ABLIM2: variants seen among roughly 807,000 people sequenced by gnomAD.
ABLIM2 encodes actin-binding LIM protein 2.
ABLIM2 carries 53 observed loss-of-function variants against 97.7 expected under a neutral mutation model. The ratio of observed to expected loss-of-function variants is 0.54; its 90% CI spans 0.44 to 0.68. ABLIM2 has a LOEUF of 0.68. Ranked by LOEUF, ABLIM2 falls within the 30% of genes least tolerant of loss-of-function variation. The probability of loss-of-function intolerance (pLI) is 0.00; values close to 1 mark genes in which losing one functional copy is unlikely to be tolerated. For missense variants in ABLIM2, 835 were observed against 867.2 expected (o/e 0.96, Z 0.47); for synonymous variants, 361 against 345.8 (o/e 1.04, Z -0.49).
Position 8,058,137 on chromosome 4 carries a change from C to T in ABLIM2, c.763+2830G>A, listed in dbSNP as rs746728566. 1.3e-5 allele frequency among the ~76,000 whole-genome samples: 2 copies of T among 152,258 alleles called. No individual in the cohort carries two copies. The highest frequency in any genetic ancestry group is 4.8e-5 in the African/African-American group (2 of 41,478). On this transcript the variant is annotated intron_variant, in intron 7 of 20. Transcript: ENST00000447017. The surrounding 1 kb of genome is among the most constrained non-coding windows in gnomAD (Gnocchi z 4.2). Reference sequence around the variant, plus strand: ...GATGTGAACTCGTGTCCCCGAGCTGCTGTCCCAAGGCCATTGTGCTCAGTG... The same window carrying T: ...GATGTGAACTCGTGTCCCCGAGCTGTTGTCCCAAGGCCATTGTGCTCAGTG...
chr4:8,052,590 A>G (rs2151943689), intron 8 of ABLIM2, among the ~76,000 whole-genome samples: 1 of 152,352 alleles, frequency 6.6e-6, no homozygotes, highest in Non-Finnish European at 1.5e-5. Flanking sequence ...CAGAGCTGCT[A>G]GGAGAGCATC....
chr4:7,980,942 T>TC (rs58879732), intron 20 of ABLIM2, among the ~76,000 whole-genome samples: 1,327 of 37,638 alleles, frequency 0.035, 86 homozygotes, highest in African/African-American at 0.088. Context: ...CAACCCCTTA[T>TC]TTTTTTTTTT....
intron 4 of ABLIM2, among the ~76,000 whole-genome samples, chr4:8,086,947 C>G (rs1824090688): frequency 6.6e-6 from 1 of 151,960 alleles, no homozygotes; most frequent in Non-Finnish European, 1.5e-5. Context: ...TGAACTTCAT[C>G]CCAAGGGATG....
At chr4:8,115,958 T>C (rs894442700) in intron 1 of ABLIM2, among the ~76,000 whole-genome samples, 9 of 152,184 alleles carry the variant, frequency 5.9e-5, no homozygotes, top group Admixed American at 1.3e-4. Flanking sequence ...GGAGCCCACA[T>C]GCCGCTATTC....
chr4:8,153,867 C>A (rs946777483), intron 1 of ABLIM2, among the ~76,000 whole-genome samples: 4 of 152,214 alleles, frequency 2.6e-5, no homozygotes, highest in African/African-American at 9.6e-5. Context: ...ACCGACGGCA[C>A]TTCCCGACAT....
chr4:8,091,307 A>ATATATATATAATTATATATATAT (rs1827364553), intron 3 of ABLIM2, among the ~76,000 whole-genome samples: 1 of 30,142 alleles, frequency 3.3e-5, no homozygotes, highest in African/African-American at 1.8e-4. Flanking sequence ...ATATTATATT[A>ATATATATATAATTATATATATAT]TATATATATA....
At chr4:7,977,218 T>C (rs1734213385) in intron 20 of ABLIM2, among the ~76,000 whole-genome samples, 1 of 152,204 alleles carries the variant, frequency 6.6e-6, no homozygotes, top group African/African-American at 2.4e-5. Flanking sequence ...TGTGCCTTGC[T>C]TCCCCTTTGC....
Position 8,004,567 on chromosome 4 carries a change from G to C in ABLIM2, c.1618+3492C>G, listed in dbSNP as rs921881570. ...TGCTGACACGCCTCTGACCTTCGAG[G>C]GTGGGACGTGAGAGACCTCAAAAGA... is the stretch of plus-strand genomic sequence containing the variant. On this transcript the variant is annotated intron_variant, in intron 16 of 20. Coordinates refer to ENST00000447017, the MANE Select transcript of ABLIM2 (RefSeq NM_001130083.2). This position sits in a 1 kb window ranked among gnomAD's most constrained non-coding sequence, Gnocchi z 5.9. Among the ~76,000 whole-genome samples the C allele has an allele frequency of 1.3e-5, 2 of 152,100 alleles. No individual in the cohort carries two copies. Among genetic ancestry groups the C allele is most frequent in the African/African-American group, 4.8e-5 (2 of 41,414 alleles).
Position 8,061,023 on chromosome 4 carries a change from G to C in ABLIM2, c.707C>G (p.Ala236Gly), listed in dbSNP as rs930269484. The part of the protein sequence containing the change: ...AGEKHYHPSC[A>G]LCVRCGQMFA... Reference sequence around the variant, plus strand: ...CATCTGGCCGCACCTGACACATAGCGCGCAGGAAGGGTGGTAGTGCTTCTC... The same window carrying C: ...CATCTGGCCGCACCTGACACATAGCCCGCAGGAAGGGTGGTAGTGCTTCTC... The change falls in exon 7 of 21, where the codon GCG (alanine) becomes GGG (glycine). Residue 236 changes from alanine (A) to glycine (G), a missense_variant. Ala to Gly is a moderately conservative substitution (Grantham distance 60). Coordinates refer to ENST00000447017, the MANE Select transcript of ABLIM2 (RefSeq NM_001130083.2). The surrounding 1 kb of genome is among the most constrained non-coding windows in gnomAD (Gnocchi z 4.5). 4.4e-6 allele frequency: 7 copies of C among 1,598,168 alleles called. No individual in the cohort carries two copies. The highest frequency in any genetic ancestry group is 2.7e-5 in the African/African-American group (2 of 74,672).
At chr4:8,050,185 C>T (rs1795066691) in intron 8 of ABLIM2, among the ~76,000 whole-genome samples, 1 of 152,176 alleles carries the variant, frequency 6.6e-6, no homozygotes, top group Non-Finnish European at 1.5e-5. Context: ...ACACCTTGGG[C>T]GCCTGTTCTC....
rs534474224 is a variant in ABLIM2, at chr4:8,084,879, GGCTCAGAGCTGC to G, written c.454+3278_454+3289del. 2.0e-5 allele frequency among the ~76,000 whole-genome samples: 3 copies of G among 152,334 alleles called. No homozygotes were observed. The South Asian group carries it at 6.2e-4, about 32-fold the overall frequency. ...ATGCAGGGTCCACCCAGGGTATCTGGGCTCAGAGCTGCCTCTGGTTCGGCACGGCGCTCGCAC... is the reference window on the plus strand; with the variant it reads ...ATGCAGGGTCCACCCAGGGTATCTGGCTCTGGTTCGGCACGGCGCTCGCAC... On this transcript the variant is annotated intron_variant, in intron 4 of 20. Transcript: ENST00000447017.
chr4:8,152,217 C>T (rs2152959370), intron 1 of ABLIM2, among the ~76,000 whole-genome samples: 1 of 152,362 alleles, frequency 6.6e-6, no homozygotes, highest in East Asian at 1.9e-4. Context: ...CAGCCACCGG[C>T]TAAAGCACGC....
chr4:8,034,495 TG>T (rs1782989571), intron 10 of ABLIM2, among the ~76,000 whole-genome samples: 1 of 44,930 alleles, frequency 2.2e-5, no homozygotes, highest in African/African-American at 9.7e-5. Flanking sequence ...TGCAGGTGGG[TG>T]GGTGGTAGGT....
Position 8,058,267 on chromosome 4 carries a change from A to G in ABLIM2, c.763+2700T>C, listed in dbSNP as rs531745616. Among the ~76,000 whole-genome samples the G allele has an allele frequency of 1.2e-4, 19 of 152,232 alleles. No individual in the cohort carries two copies. Among genetic ancestry groups the G allele is most frequent in the Non-Finnish European group, 2.6e-4 (18 of 68,032 alleles). Reference sequence around the variant, plus strand: ...GCCTGGCACTGCTGGGACGGTCCCAAAGGACCCTTTGACGGGCTCTCGAGC... The same window carrying G: ...GCCTGGCACTGCTGGGACGGTCCCAGAGGACCCTTTGACGGGCTCTCGAGC... On this transcript the variant is annotated intron_variant, in intron 7 of 20. Transcript: ENST00000447017. The surrounding 1 kb of genome is among the most constrained non-coding windows in gnomAD (Gnocchi z 4.2).
In ABLIM2 at chr4:7,996,115, T is replaced by C. The variant is rs1390080345; in HGVS notation, c.1619-3188A>G. On this transcript the variant is annotated intron_variant, in intron 16 of 20. Coordinates refer to ENST00000447017, the MANE Select transcript of ABLIM2 (RefSeq NM_001130083.2). The surrounding 1 kb of genome is among the most constrained non-coding windows in gnomAD (Gnocchi z 4.5). ...AGCGGGAGCTCCTTATCAGCAAAGG[T>C]GCTAGAGGGGTGGTTCTCAAACTGG... Among the ~76,000 whole-genome samples the C allele has an allele frequency of 3.9e-5, 6 of 152,126 alleles. No homozygotes were observed. Among genetic ancestry groups the C allele is most frequent in the Non-Finnish European group, 7.4e-5 (5 of 68,004 alleles).
intron 1 of ABLIM2, among the ~76,000 whole-genome samples, chr4:8,152,617 G>A (rs558169677): frequency 3.9e-5 from 6 of 152,338 alleles, no homozygotes; most frequent in Admixed American, 2.6e-4. Context: ...TGCTGGGTGC[G>A]AGCCTCGGAG....
At chr4:7,975,743 G>A (rs188547342) in intron 20 of ABLIM2, among the ~76,000 whole-genome samples, 29 of 152,180 alleles carry the variant, frequency 1.9e-4, no homozygotes, top group African/African-American at 2.6e-4. Flanking sequence ...GCTCCCTTAC[G>A]GATAACATCT....
intron 5 of ABLIM2, among the ~76,000 whole-genome samples, chr4:8,080,101 G>A (rs892580290): frequency 7.2e-5 from 11 of 152,174 alleles, no homozygotes; most frequent in African/African-American, 2.7e-4. Context: ...GCCTTCCCTG[G>A]TTCCCAAATC....
rs191018619 is a variant in ABLIM2 at position 8,085,770 on chromosome 4, A to C, written c.454+2399T>G. 2.3e-4 allele frequency among the ~76,000 whole-genome samples: 35 copies of C among 152,148 alleles called. 1 individual carries two copies. In the East Asian group the frequency reaches 6.6e-3, roughly 29 times the overall value. ...CATTTCACAGGTGTTTAGTCTTTGT[A>C]CTCATCTGTAGCATCCTCCCCCTTC... On this transcript the variant is annotated intron_variant, in intron 4 of 20. Transcript: ENST00000447017. This position sits in a 1 kb window ranked among gnomAD's most constrained non-coding sequence, Gnocchi z 6.1.
Sources: gnomAD v4.1 joint callset for allele counts (sites outside exome capture counted in the v4.1 genomes callset) on GRCh38, gnomAD v4.1.1 for gene constraint, Gnocchi (gnomAD v3.1) non-coding constraint, MANE v1.5 for transcripts, NCBI Gene and HGNC (gene_info 2026-07-23, HGNC 2026-07-21) for gene names.